The following MYOM1 variants were observed in gnomAD, a reference collection of about 807,000 sequenced individuals.
MYOM1 encodes the protein myomesin-1.
Under a neutral mutation model 205.3 loss-of-function variants are expected in MYOM1, and 164 were observed. The observed-to-expected ratio is 0.80, with a 90% CI of 0.70 to 0.91. The LOEUF is 0.91. Among genes scored for constraint, MYOM1 ranks in the 40% least tolerant of loss-of-function variants. The pLI, the probability that MYOM1 is intolerant of heterozygous loss-of-function variation, is 0.00. For synonymous variants in MYOM1, 772 were observed against 789.4 expected, an observed-to-expected ratio of 0.98 and a Z score of 0.37; for missense variants, 2,011 against 2,127.3, an observed-to-expected ratio of 0.95 and a Z score of 1.08.
In MYOM1 at chr18:3,188,991, T is replaced by C; in HGVS notation, c.528A>G (p.Glu176=). 2 of 1,613,570 alleles carry C rather than the reference T, an allele frequency of 1.2e-6. No homozygotes were observed. The highest frequency in any genetic ancestry group is 1.3e-5 in the African/African-American group (1 of 74,916). Residue 176 remains glutamate, a synonymous_variant, in exon 4 of 38, where the codon GAA becomes GAG. Coordinates refer to ENST00000356443, the MANE Select transcript of MYOM1 (RefSeq NM_003803.4). The part of the protein sequence containing the change: ...IAQRNLLASE[E]GITTSKQSTA... Reference sequence around the variant, plus strand: ...TGGACTGTTTAGATGTTGTGATTCCTTCCTCACTAGCAAGAAGATTCCTCT... The same window carrying C: ...TGGACTGTTTAGATGTTGTGATTCCCTCCTCACTAGCAAGAAGATTCCTCT...
intron 22 of MYOM1, among the ~76,000 whole-genome samples, chr18:3,108,625 C>A (rs1055031870): frequency 6.6e-6 from 1 of 151,566 alleles, no homozygotes; most frequent in Non-Finnish European, 1.5e-5. Flanking sequence ...CTCACTGCAA[C>A]CTCCACCTCC....
At chr18:3,192,684 C>A (rs8091916) in intron 3 of MYOM1, among the ~76,000 whole-genome samples, 82,225 of 152,022 alleles carry the variant, frequency 0.54, 23,443 homozygotes, top group African/African-American at 0.74. Context: ...TCCTGTTGAG[C>A]TTTAATCTTG....
intron 26 of MYOM1, among the ~76,000 whole-genome samples, chr18:3,093,923 G>A (rs1436337642): frequency 6.6e-6 from 1 of 152,082 alleles, no homozygotes; most frequent in Non-Finnish European, 1.5e-5. Flanking sequence ...ATCTCGGTTT[G>A]CCTGAGACCG....
chr18:3,126,714 T>C lies in MYOM1; in HGVS notation c.2978A>G (p.Glu993Gly), dbSNP rs780221650. 1.2e-6 allele frequency: 2 copies of C among 1,613,126 alleles called. No homozygotes were observed. Among genetic ancestry groups the C allele is most frequent in the Non-Finnish European group, 1.7e-6 (2 of 1,179,318 alleles). The change falls in exon 19 of 38, where the codon GAG (glutamate) becomes GGG (glycine). Residue 993 changes from glutamate (E) to glycine (G), a missense_variant. Glu to Gly is a moderately conservative substitution (Grantham distance 98). Coordinates refer to ENST00000356443, the MANE Select transcript of MYOM1 (RefSeq NM_003803.4). ...TCACGTGCTTACCTTGTATGCCTCC[T>C]CACTGACAGCCTTGACATTGGCTTC... ...WREANVKAVS[E>G]EAYKISNLKE...
chr18:3,090,854 T>C, intron 26 of MYOM1, 52 bp from the exon 27 acceptor site: 1 of 1,605,872 alleles, frequency 6.2e-7, no homozygotes, highest in Non-Finnish European at 8.5e-7. Flanking sequence ...TATATTTTAC[T>C]TGGAATGACA....
At chr18:3,131,861 G>A (rs998420450) in intron 16 of MYOM1, among the ~76,000 whole-genome samples, 2 of 151,798 alleles carry the variant, frequency 1.3e-5, no homozygotes, top group African/African-American at 4.8e-5. Context: ...AAAATGAGGA[G>A]CCCTGGTCTT....
the MYOM1 span, among the ~76,000 whole-genome samples, chr18:3,232,716 C>T: frequency 6.6e-6 from 1 of 152,138 alleles, no homozygotes; most frequent in Non-Finnish European, 1.5e-5. Flanking sequence ...GCTTTATGTT[C>T]CATGCTTACC....
At chr18:3,071,569 G>A (rs1358048186) in intron 37 of MYOM1, among the ~76,000 whole-genome samples, 2 of 152,120 alleles carry the variant, frequency 1.3e-5, no homozygotes, top group Admixed American at 6.5e-5. Flanking sequence ...ATGTTGGCCA[G>A]GCTGGTCTTG....
At position 3,152,147 on chromosome 18, in the gene MYOM1, G is replaced by T. The variant is rs188526909; in HGVS notation, c.1644-254C>A. On this transcript the variant is annotated intron_variant, in intron 11 of 37. Coordinates refer to ENST00000356443, the MANE Select transcript of MYOM1 (RefSeq NM_003803.4). This position sits in a 1 kb window ranked among gnomAD's most constrained non-coding sequence, Gnocchi z 4.3. ...AAAGCAGGCATCTGAGGGGCCTTGTGTAGAAAGCAGAGGGGTTTGGGGGTT... is the reference window on the plus strand; with the variant it reads ...AAAGCAGGCATCTGAGGGGCCTTGTTTAGAAAGCAGAGGGGTTTGGGGGTT... Among the ~76,000 whole-genome samples, 1 of 152,146 alleles carries T rather than the reference G, an allele frequency of 6.6e-6. No homozygotes were observed. Among genetic ancestry groups the T allele is most frequent in the Admixed American group, 6.5e-5 (1 of 15,276 alleles).
intron 2 of MYOM1, among the ~76,000 whole-genome samples, chr18:3,199,541 T>C (rs933698052): frequency 7.2e-5 from 11 of 152,104 alleles, no homozygotes; most frequent in African/African-American, 2.7e-4. Context: ...CAGATTTACG[T>C]AAAAATTACC....
At chr18:3,174,284 CTT>C in intron 6 of MYOM1, 76 bp from the exon 7 acceptor site, 1 of 1,305,048 alleles carries the variant, frequency 7.7e-7, no homozygotes, top group Non-Finnish European at 1.1e-6. Context: ...TCAAGGAACT[CTT>C]TGCTATCACA....
At chr18:3,090,835 A>C (rs1264881629) in intron 26 of MYOM1, 33 bp from the exon 27 acceptor site, 1 of 1,612,750 alleles carries the variant, frequency 6.2e-7, no homozygotes, top group Admixed American at 1.7e-5. Context: ...CAGAGAAATC[A>C]CTGAGGCATA....
rs745738629 is a variant in MYOM1 at position 3,085,136 on chromosome 18, AG to A, written c.4252-5del. The A allele has an allele frequency of 6.3e-7, 1 of 1,599,146 alleles. No homozygotes were observed. Among genetic ancestry groups the A allele is most frequent in the Middle Eastern group, 1.7e-4 (1 of 6,046 alleles). ...TCCCAGCATCTTTCTTGGAAAACTA[AG>A]GGGGAATAGATATACCACATTGCAC... On this transcript the variant is annotated splice_polypyrimidine_tract_variant and splice_region_variant and intron_variant, in intron 30 of 37. Transcript: ENST00000356443.
upstream of MYOM1, among the ~76,000 whole-genome samples, chr18:3,221,316 A>G (rs2081327576): frequency 1.3e-5 from 2 of 152,194 alleles, no homozygotes; most frequent in South Asian, 2.1e-4. Context: ...CACTGCACCC[A>G]GTCTCTATCA....
intron 17 of MYOM1, among the ~76,000 whole-genome samples, chr18:3,130,030 C>T (rs539900509): frequency 1.3e-5 from 2 of 152,014 alleles, no homozygotes; most frequent in Non-Finnish European, 2.9e-5. Flanking sequence ...AAGGAATCTT[C>T]CTTCCTTCGT....
intron 5 of MYOM1, among the ~76,000 whole-genome samples, chr18:3,177,512 C>T (rs996024740): frequency 6.7e-6 from 1 of 150,302 alleles, no homozygotes; most frequent in Non-Finnish European, 1.5e-5. Flanking sequence ...ACTCTTGTTG[C>T]CCAGGCTGGA....
intron 3 of MYOM1, among the ~76,000 whole-genome samples, chr18:3,192,175 T>C (rs1338716162): frequency 2.0e-5 from 3 of 152,166 alleles, no homozygotes; most frequent in African/African-American, 4.8e-5. Flanking sequence ...ATGTGGTTTT[T>C]AAATGATTTT....
intron 33 of MYOM1, among the ~76,000 whole-genome samples, chr18:3,083,421 C>CTT (rs1427363378): frequency 1.1e-5 from 1 of 94,118 alleles, no homozygotes; most frequent in East Asian, 2.8e-4. Context: ...TTTTCTTTTT[C>CTT]TTTTTCTTTT....
chr18:3,118,558 C>A (rs566037556), intron 20 of MYOM1, among the ~76,000 whole-genome samples: 2 of 152,088 alleles, frequency 1.3e-5, no homozygotes, highest in Admixed American at 1.3e-4. Flanking sequence ...GGTCTTGAAC[C>A]CCTGGGCTCA....
Sources: gnomAD v4.1 joint callset for allele counts (sites outside exome capture counted in the v4.1 genomes callset) on GRCh38, gnomAD v4.1.1 for gene constraint, Gnocchi (gnomAD v3.1) non-coding constraint, MANE v1.5 for transcripts, NCBI Gene and HGNC (gene_info 2026-07-23, HGNC 2026-07-21) for gene names.